The following MGAT5 variants were observed in gnomAD, a reference collection of about 807,000 sequenced individuals.
MGAT5 encodes alpha-1,6-mannosylglycoprotein 6-beta-N-acetylglucosaminyltransferase.
Under a neutral mutation model 94.3 loss-of-function variants are expected in MGAT5, and 30 were observed. The observed-to-expected ratio is 0.32, with a 90% CI of 0.24 to 0.43. The LOEUF is 0.43. Among genes scored for constraint, MGAT5 ranks in the 20% least tolerant of loss-of-function variants. The pLI is 1.00. For synonymous variants in MGAT5, 310 were observed against 322.9 expected (o/e 0.96, Z 0.43); for missense variants, 691 against 905.5 (o/e 0.76, Z 3.04).
At chr2:134,287,003 C>A (rs187014141) in intron 2 of MGAT5, among the ~76,000 whole-genome samples, 48 of 152,316 alleles carry the variant, frequency 3.2e-4, no homozygotes, top group African/African-American at 1.1e-3. Context: ...TCTGACTCTT[C>A]TGTGACATCT....
intron 10 of MGAT5, among the ~76,000 whole-genome samples, chr2:134,368,457 G>T (rs1680573965): frequency 1.3e-5 from 2 of 152,288 alleles, no homozygotes; most frequent in South Asian, 4.1e-4. Flanking sequence ...AATTTGAAAA[G>T]TTCCTTTTTA....
chr2:134,225,862 T>C (rs972378504), intron 1 of MGAT5, among the ~76,000 whole-genome samples: 6 of 152,254 alleles, frequency 3.9e-5, no homozygotes, highest in African/African-American at 1.4e-4. Context: ...GGGGTGTCAC[T>C]AACAGTGTAC....
At chr2:134,368,039 A>G (rs1399553884) in intron 10 of MGAT5, among the ~76,000 whole-genome samples, 1 of 152,208 alleles carries the variant, frequency 6.6e-6, no homozygotes, top group African/African-American at 2.4e-5. Flanking sequence ...CAAGTCCTAC[A>G]GCACATGACT....
chr2:134,280,155 T>C (rs1467249087), intron 2 of MGAT5, among the ~76,000 whole-genome samples: 4 of 152,212 alleles, frequency 2.6e-5, no homozygotes, highest in Non-Finnish European at 5.9e-5. Flanking sequence ...CTTTCTCGCT[T>C]ACATCCCAGA....
chr2:134,401,392 C>G (rs1683046494), intron 10 of MGAT5, among the ~76,000 whole-genome samples: 1 of 152,138 alleles, frequency 6.6e-6, no homozygotes, highest in Non-Finnish European at 1.5e-5. Context: ...GGTTGGCTCC[C>G]CTTGCCTTCC....
intron 1 of MGAT5, among the ~76,000 whole-genome samples, chr2:134,205,310 C>A (rs756858312): frequency 6.6e-6 from 1 of 152,060 alleles, no homozygotes; most frequent in African/African-American, 2.4e-5. Flanking sequence ...GGCAGGAAGA[C>A]GAGCTAGGAG....
intron 4 of MGAT5, among the ~76,000 whole-genome samples, chr2:134,335,797 G>A (rs1688299937): frequency 6.6e-6 from 1 of 152,052 alleles, no homozygotes; most frequent in African/African-American, 2.4e-5. Flanking sequence ...TTCCTTTCCA[G>A]ATATGCCACA....
In MGAT5 at chr2:134,145,214, CTGTGTGTG is replaced by C. The variant is rs59065013; in HGVS notation, c.-143+24947_-143+24954del. Among the ~76,000 whole-genome samples the C allele has an allele frequency of 6.8e-4, 98 of 143,762 alleles. 1 individual carries two copies. Among genetic ancestry groups the C allele is most frequent in the Non-Finnish European group, 1.7e-4 (11 of 65,410 alleles). The allele number at this position is 143,762 out of a possible 152,430, so 94.3% of individuals were successfully genotyped here. A position where few individuals can be genotyped will look rare whatever the true frequency, so the allele number is the denominator to read the frequency against. On this transcript the variant is annotated intron_variant, in intron 1 of 16. Coordinates refer to the MGAT5 transcript ENST00000409645. ...GTAAGGTGTGTGTGTGTCTCTCTCT[CTGTGTGTG>C]TGTGTGTGTGTGTGTGTGTGTGTTT... is the stretch of plus-strand genomic sequence containing the variant.
rs2139308 is a variant in MGAT5 at position 134,154,691 on chromosome 2, A to C, written c.-143+34400A>C. Among the ~76,000 whole-genome samples the C allele has an allele frequency of 0.023, 3,546 of 152,326 alleles. 318 individuals carry two copies. In the East Asian group the frequency reaches 0.28, roughly 12 times the overall value. ...CTCATCCAAGGAAATGGCCTCTCCAAGATCCATACCGTTTTACCAAGCCAT... is the reference window on the plus strand; with the variant it reads ...CTCATCCAAGGAAATGGCCTCTCCACGATCCATACCGTTTTACCAAGCCAT... On this transcript the variant is annotated intron_variant, in intron 1 of 16. Coordinates refer to the MGAT5 transcript ENST00000409645.
rs11896340 is a variant in MGAT5, at chr2:134,308,321, G to A, written c.407-9208G>A. Among the ~76,000 whole-genome samples, 55 of 152,272 alleles carry A rather than the reference G, an allele frequency of 3.6e-4. 1 individual carries two copies. The South Asian group carries it at 8.1e-3, about 22-fold the overall frequency. On this transcript the variant is annotated intron_variant, in intron 2 of 15. Transcript: ENST00000281923. ...TGCAACAAAGAGACCCAAAAATTCA[G>A]GGTTGAAATGAGACAGAGGATGGTT...
intron 1 of MGAT5, among the ~76,000 whole-genome samples, chr2:134,264,949 T>C (rs1683610720): frequency 6.6e-6 from 1 of 152,240 alleles, no homozygotes; most frequent in Non-Finnish European, 1.5e-5. Flanking sequence ...CATTGCGTAG[T>C]TGGTTCTGTG....
chr2:134,121,342 G>A (rs1305002110), intron 1 of MGAT5, among the ~76,000 whole-genome samples: 1 of 152,244 alleles, frequency 6.6e-6, no homozygotes, highest in Non-Finnish European at 1.5e-5. Flanking sequence ...CGAGCAGGCA[G>A]GGTGCAAGGG....
chr2:134,298,355 C>T lies in MGAT5; in HGVS notation c.407-19174C>T, dbSNP rs183335162. ...TCAAGTGATCTACCTGCCTCGGCCT[C>T]CCAAAGTACTGGGATTACAAGCGTG... On this transcript the variant is annotated intron_variant, in intron 2 of 15. Transcript: ENST00000281923. Among the ~76,000 whole-genome samples, 147 of 152,260 alleles carry T rather than the reference C, an allele frequency of 9.7e-4. 1 individual carries two copies. The highest frequency in any genetic ancestry group is 2.1e-3 in the Admixed American group (32 of 15,280).
intron 1 of MGAT5, among the ~76,000 whole-genome samples, chr2:134,156,070 T>TA (rs1156266300): frequency 6.6e-6 from 1 of 152,136 alleles, no homozygotes; most frequent in African/African-American, 2.4e-5. Flanking sequence ...CCAGGAAGCC[T>TA]AGGACGTCCA....
chr2:134,283,741 G>GTTGTCA (rs1302447378), intron 2 of MGAT5, among the ~76,000 whole-genome samples: 2 of 140,544 alleles, frequency 1.4e-5, no homozygotes, highest in Non-Finnish European at 3.0e-5. Context: ...CCACCGTGAA[G>GTTGTCA]TTGTCATTGG....
intron 11 of MGAT5, among the ~76,000 whole-genome samples, chr2:134,407,471 G>A (rs1478309540): frequency 2.6e-5 from 4 of 152,124 alleles, no homozygotes; most frequent in Admixed American, 2.6e-4. Context: ...CTGACTTTCA[G>A]AGCAAAAGTG....
intron 10 of MGAT5, among the ~76,000 whole-genome samples, chr2:134,381,531 A>T (rs1681621539): frequency 8.3e-6 from 1 of 121,042 alleles, no homozygotes. Flanking sequence ...AGACAGACAG[A>T]CAGACAGATA....
chr2:134,152,296 CATGGGACCCGCTTATCACTCACGCCCT>C (rs137866319), intron 1 of MGAT5, among the ~76,000 whole-genome samples: 6,197 of 125,080 alleles, frequency 0.05, 299 homozygotes, highest in Non-Finnish European at 0.063. Flanking sequence ...TGCTTACCAC[CATGGGACCCGCTTATCACTCACGCCCT>C]ATGGGACCCG....
intron 1 of MGAT5, among the ~76,000 whole-genome samples, chr2:134,261,405 C>T (rs7576554): frequency 0.21 from 32,314 of 152,046 alleles, 4,871 homozygotes; most frequent in African/African-American, 0.39. Flanking sequence ...CTCCGCACCC[C>T]CTCAAGTCTA....
Sources: allele counts gnomAD v4.1 joint callset (sites outside exome capture counted in the v4.1 genomes callset), GRCh38; gene constraint gnomAD v4.1.1; transcripts MANE v1.5; gene names NCBI Gene and HGNC (gene_info 2026-07-23, HGNC 2026-07-21).